The following CRYZL1 variants were observed in gnomAD, a reference collection of about 807,000 sequenced individuals.
CRYZL1 encodes crystallin zeta like 1, also known as ferry endosomal RAB5 effector complex subunit 4.
Under a neutral mutation model 50.6 loss-of-function variants are expected in CRYZL1, and 34 were observed. The ratio of observed to expected loss-of-function variants is 0.67; its 90% confidence interval spans 0.51 to 0.89. The LOEUF (loss-of-function observed/expected upper bound fraction) is 0.89. CRYZL1 is among the 40% of genes least tolerant of loss of function. The pLI is 0.00. For missense variants in CRYZL1, 354 were observed against 402.3 expected (o/e 0.88, Z 1.03); for synonymous variants, 125 against 134.3 (o/e 0.93, Z 0.48).
chr21:33,624,139 C>T (rs1036015680), intron 3 of CRYZL1, among the ~76,000 whole-genome samples: 1 of 151,956 alleles, frequency 6.6e-6, no homozygotes, highest in South Asian at 2.1e-4. Context: ...TGTCTGTTTT[C>T]TTATAAAATA....
At chr21:33,639,000 A>C (rs990984254) in intron 1 of CRYZL1, among the ~76,000 whole-genome samples, 4 of 152,212 alleles carry the variant, frequency 2.6e-5, no homozygotes, top group East Asian at 3.8e-4. Context: ...GAATTTATAC[A>C]TGTGTGGCAT....
chr21:33,622,201 A>G (rs2145948792), intron 3 of CRYZL1, 133 bp from the exon 4 acceptor site: 2 of 689,700 alleles, frequency 2.9e-6, no homozygotes, highest in East Asian at 5.3e-5. Flanking sequence ...AACTGAGACA[A>G]AGCAAATAAC....
At chr21:33,594,877 T>C (rs1601325023) in intron 11 of CRYZL1, 1 of 153,988 alleles carries the variant, frequency 6.5e-6, no homozygotes, top group East Asian at 1.9e-4. Context: ...TTTATACATA[T>C]CACACATATA....
At chr21:33,620,277 C>A (rs73368025) in intron 4 of CRYZL1, among the ~76,000 whole-genome samples, 3,274 of 152,148 alleles carry the variant, frequency 0.022, 82 homozygotes, top group African/African-American at 0.059. Flanking sequence ...TAATCATGAA[C>A]CACCTGTTAG....
Position 33,613,571 on chromosome 21 carries a change from A to G in CRYZL1, c.298T>C (p.Cys100Arg), listed in dbSNP as rs2086895596. The G allele has an allele frequency of 6.8e-6, 11 of 1,613,524 alleles. No homozygotes were observed. The highest frequency in any genetic ancestry group is 3.3e-5 in the Admixed American group (2 of 60,008). ...LPLDSEDPGLCEVVRVHEHYL... is the reference protein window; with the variant it reads ...LPLDSEDPGLREVVRVHEHYL... ...TGCTCATGTACTCTAACAACTTCAC[A>G]AAGTCCAGGGTCTTCAGAGTCCAGG... The change falls in exon 6 of 13, where the codon TGT (cysteine) becomes CGT (arginine). Residue 100 changes from cysteine to arginine, a missense_variant. Coordinates refer to ENST00000381554, the MANE Select transcript of CRYZL1 (RefSeq NM_145858.3).
intron 6 of CRYZL1, among the ~76,000 whole-genome samples, chr21:33,604,685 CTTG>C (rs1224203492): frequency 6.6e-6 from 1 of 152,124 alleles, no homozygotes; most frequent in African/African-American, 2.4e-5. Context: ...CACTTTCATT[CTTG>C]TTGTTTTATG....
At position 33,589,739 on chromosome 21, in the gene CRYZL1, T is replaced by A. The variant is rs1273590047; in HGVS notation, c.*83A>T. 1 of 908,762 alleles carries A rather than the reference T, an allele frequency of 1.1e-6. No individual in the cohort carries two copies. The highest frequency in any genetic ancestry group is 1.8e-6 in the Non-Finnish European group (1 of 569,064). 56.3% of individuals were successfully genotyped at this position (908,762 alleles called of 1,614,324 possible). A position where few individuals can be genotyped will look rare whatever the true frequency, so the allele number is the denominator to read the frequency against. ...ATGCAACTTGTTTTATCTTCCTTGG[T>A]TTTTCTCAACAATTTCCAAAGAAAA... is the stretch of plus-strand genomic sequence containing the variant. On this transcript the variant is annotated 3_prime_UTR_variant, in exon 13 of 13. Coordinates refer to ENST00000381554, the MANE Select transcript of CRYZL1 (RefSeq NM_145858.3).
chr21:33,598,686 G>A (rs1373752573), intron 9 of CRYZL1, among the ~76,000 whole-genome samples: 2 of 152,114 alleles, frequency 1.3e-5, no homozygotes, highest in East Asian at 3.8e-4. Context: ...GTAGCGATAT[G>A]TCATTTGTTA....
intron 2 of CRYZL1, among the ~76,000 whole-genome samples, chr21:33,630,187 C>T (rs1370947734): frequency 6.6e-6 from 1 of 152,050 alleles, no homozygotes; most frequent in Non-Finnish European, 1.5e-5. Context: ...GTAACAAATG[C>T]CGGTAAGGAT....
chr21:33,592,711 G>C (rs986529463), intron 11 of CRYZL1, among the ~76,000 whole-genome samples: 1 of 152,176 alleles, frequency 6.6e-6, no homozygotes, highest in Non-Finnish European at 1.5e-5. Context: ...ACTGAATGAG[G>C]AGGGTTTGCA....
chr21:33,621,245 G>A (rs2086996932), intron 4 of CRYZL1, among the ~76,000 whole-genome samples: 1 of 150,190 alleles, frequency 6.7e-6, no homozygotes, highest in Non-Finnish European at 1.5e-5. Flanking sequence ...CATACTGGAA[G>A]AGAAAGAATT....
intron 1 of CRYZL1, among the ~76,000 whole-genome samples, chr21:33,635,367 T>C (rs1321326895): frequency 1.4e-5 from 2 of 145,980 alleles, no homozygotes; most frequent in Admixed American, 1.4e-4. Context: ...TTTTTTTTTT[T>C]TGAGACGGAG....
At chr21:33,603,937 CATT>C (rs1260396077) in intron 6 of CRYZL1, among the ~76,000 whole-genome samples, 1 of 152,214 alleles carries the variant, frequency 6.6e-6, no homozygotes, top group African/African-American at 2.4e-5. Flanking sequence ...TTGTATCACT[CATT>C]AGTACGCATT....
intron 11 of CRYZL1, among the ~76,000 whole-genome samples, chr21:33,592,090 G>A (rs2086649445): frequency 1.3e-5 from 2 of 150,998 alleles, no homozygotes; most frequent in South Asian, 4.2e-4. Flanking sequence ...TGTAGATAGT[G>A]GTTATGCTAT....
At chr21:33,615,863 A>G (rs2086924133) in intron 5 of CRYZL1, among the ~76,000 whole-genome samples, 1 of 152,172 alleles carries the variant, frequency 6.6e-6, no homozygotes, top group African/African-American at 2.4e-5. Context: ...CTGCCAGAAA[A>G]AGGCTACACC....
chr21:33,634,921 T>A (rs934264162), intron 1 of CRYZL1, among the ~76,000 whole-genome samples: 1 of 150,834 alleles, frequency 6.6e-6, no homozygotes, highest in Non-Finnish European at 1.5e-5. Flanking sequence ...ATGGCAATAT[T>A]TTTAGTCACA....
intron 6 of CRYZL1, among the ~76,000 whole-genome samples, chr21:33,605,498 C>T (rs1244186017): frequency 7.8e-6 from 1 of 127,500 alleles, no homozygotes; most frequent in Non-Finnish European, 1.7e-5. Context: ...TTATGTTGTA[C>T]ACTGATGTAA....
intron 8 of CRYZL1, among the ~76,000 whole-genome samples, chr21:33,600,396 CAAAT>C (rs1391076936): frequency 2.6e-5 from 4 of 152,134 alleles, no homozygotes; most frequent in East Asian, 1.9e-4. Context: ...TTTGAACTGG[CAAAT>C]AACAACATGT....
At chr21:33,633,078 T>C (rs990283381) in intron 1 of CRYZL1, among the ~76,000 whole-genome samples, 2 of 152,222 alleles carry the variant, frequency 1.3e-5, no homozygotes, top group African/African-American at 4.8e-5. Flanking sequence ...CATTCATTCG[T>C]ATTGCTACAT....
Sources: gnomAD v4.1 joint callset for allele counts (sites outside exome capture counted in the v4.1 genomes callset) on GRCh38, gnomAD v4.1.1 for gene constraint, MANE v1.5 for transcripts, NCBI Gene and HGNC (gene_info 2026-07-23, HGNC 2026-07-21) for gene names.